DENND2C: variants seen among roughly 807,000 people sequenced by gnomAD.
The protein encoded by DENND2C is DENN domain containing 2C, also known as DENN domain-containing protein 2C.
Under a neutral mutation model 112.4 loss-of-function variants are expected in DENND2C, and 72 were observed. The observed-to-expected ratio is 0.64, with a 90% CI of 0.53 to 0.78. The LOEUF (loss-of-function observed/expected upper bound fraction) is 0.78. Ranked by LOEUF, DENND2C falls within the 30% of genes least tolerant of loss-of-function variation. DENND2C has a pLI of 0.00. For missense variants in DENND2C, 992 were observed against 1,113.8 expected (o/e 0.89, Z 1.56); for synonymous variants, 329 against 381.6 (o/e 0.86, Z 1.61).
At chr1:114,628,142 CTAAATAAA>C (rs577423809) in intron 3 of DENND2C, among the ~76,000 whole-genome samples, 1 of 151,320 alleles carries the variant, frequency 6.6e-6, no homozygotes, top group Non-Finnish European at 1.5e-5. Flanking sequence ...TTCATCTCTA[CTAAATAAA>C]TAAATAAATA....
chr1:114,631,792 A>G (rs1190793032), intron 3 of DENND2C, among the ~76,000 whole-genome samples: 2 of 152,184 alleles, frequency 1.3e-5, no homozygotes, highest in South Asian at 2.1e-4. Flanking sequence ...AAAAAAGAGA[A>G]AAAAAAAGTA....
At chr1:114,591,801 G>C (rs901143985) in intron 18 of DENND2C, among the ~76,000 whole-genome samples, 1 of 151,148 alleles carries the variant, frequency 6.6e-6, no homozygotes, top group Non-Finnish European at 1.5e-5. Flanking sequence ...TTTCTGTATA[G>C]TGTGAGGTGT....
chr1:114,642,925 G>T (rs555149636), intron 3 of DENND2C, among the ~76,000 whole-genome samples: 4 of 152,098 alleles, frequency 2.6e-5, no homozygotes, highest in Non-Finnish European at 4.4e-5. Flanking sequence ...AGCTTCCTTA[G>T]CCCTTTCCCC....
At chr1:114,649,524 C>G (rs1657097859) in intron 2 of DENND2C, among the ~76,000 whole-genome samples, 1 of 152,030 alleles carries the variant, frequency 6.6e-6, no homozygotes, top group Admixed American at 6.6e-5. Context: ...ACAGAGCATC[C>G]CACCACATCT....
intron 18 of DENND2C, among the ~76,000 whole-genome samples, chr1:114,588,235 G>A (rs895539879): frequency 5.9e-5 from 9 of 152,168 alleles, no homozygotes; most frequent in African/African-American, 2.2e-4. Flanking sequence ...AAAGGCCACT[G>A]GTGAGAGCCA....
At chr1:114,597,358 C>T (rs1167613609) in intron 16 of DENND2C, among the ~76,000 whole-genome samples, 4 of 151,542 alleles carry the variant, frequency 2.6e-5, no homozygotes, top group East Asian at 2.0e-4. Context: ...ACAGGAGAAT[C>T]GCTTGAATCC....
chr1:114,642,819 T>C (rs1299687228), intron 3 of DENND2C, among the ~76,000 whole-genome samples: 1 of 152,240 alleles, frequency 6.6e-6, no homozygotes, highest in Non-Finnish European at 1.5e-5. Context: ...AGACAGTGAC[T>C]GGAATACAGT....
intron 2 of DENND2C, among the ~76,000 whole-genome samples, chr1:114,646,953 A>G (rs918104800): frequency 6.6e-6 from 1 of 152,110 alleles, no homozygotes; most frequent in Non-Finnish European, 1.5e-5. Context: ...TGAGGTCGGG[A>G]GTTTGAGACC....
At chr1:114,618,362 G>C (rs748717219) in intron 8 of DENND2C, 24 bp downstream of exon 8, 98 of 1,473,802 alleles carry the variant, frequency 6.6e-5, no homozygotes, top group Middle Eastern at 5.3e-4. Flanking sequence ...CTACAGGATA[G>C]CTGGAACGAA....
intron 7 of DENND2C, among the ~76,000 whole-genome samples, chr1:114,621,012 G>A (rs1184301618): frequency 6.6e-6 from 1 of 152,200 alleles, no homozygotes; most frequent in African/African-American, 2.4e-5. Context: ...CTTCACTACA[G>A]CAGAGTATGT....
chr1:114,609,546 T>C (rs1164478432), intron 9 of DENND2C, among the ~76,000 whole-genome samples: 1 of 152,238 alleles, frequency 6.6e-6, no homozygotes, highest in Non-Finnish European at 1.5e-5. Flanking sequence ...TAAACAGTCA[T>C]AGCAATACCA....
intron 16 of DENND2C, among the ~76,000 whole-genome samples, chr1:114,598,258 A>G (rs752946453): frequency 2.0e-5 from 3 of 152,230 alleles, no homozygotes; most frequent in Non-Finnish European, 4.4e-5. Flanking sequence ...AAATTGTGGT[A>G]CATTCACACA....
intron 1 of DENND2C, among the ~76,000 whole-genome samples, chr1:114,661,990 T>C (rs1220839615): frequency 6.7e-6 from 1 of 149,730 alleles, no homozygotes; most frequent in African/African-American, 2.5e-5. Context: ...TATACATTGA[T>C]AGCTATCACA....
At chr1:114,625,154 CTT>C (rs1472572937) in intron 4 of DENND2C, 23 bp downstream of exon 4, 1 of 1,558,434 alleles carries the variant, frequency 6.4e-7, no homozygotes, top group Admixed American at 2.0e-5. Flanking sequence ...ACCTACAAGT[CTT>C]TATCTGTAGG....
At chr1:114,598,764 C>T (rs1655412678) in intron 16 of DENND2C, among the ~76,000 whole-genome samples, 2 of 152,174 alleles carry the variant, frequency 1.3e-5, no homozygotes, top group Admixed American at 6.5e-5. Context: ...TCACTGCAAC[C>T]TCCACCTCCC....
chr1:114,644,530 T>C (rs1251480230), intron 3 of DENND2C, among the ~76,000 whole-genome samples: 1 of 152,132 alleles, frequency 6.6e-6, no homozygotes, highest in African/African-American at 2.4e-5. Context: ...GCTGCCCCAT[T>C]TGTAGAATGG....
chr1:114,585,259 T>C lies in DENND2C; in HGVS notation c.*341A>G. 1 of 273,476 alleles carries C rather than the reference T, an allele frequency of 3.7e-6. No homozygotes were observed. Among genetic ancestry groups the C allele is most frequent in the East Asian group, 6.9e-5 (1 of 14,418 alleles). The allele number at this position is 273,476 out of a possible 1,614,324, so 16.9% of individuals were successfully genotyped here. Reference sequence around the variant, plus strand: ...CTCATTATTCTCATCTTTGAGCTATTTTTTAAATGTAACAACAACAAGGCT... The same window carrying C: ...CTCATTATTCTCATCTTTGAGCTATCTTTTAAATGTAACAACAACAAGGCT... On this transcript the variant is annotated 3_prime_UTR_variant, in exon 21 of 21. Coordinates refer to ENST00000393274, the MANE Select transcript of DENND2C (RefSeq NM_001256404.2).
chr1:114,591,042 C>G (rs1244272460), intron 18 of DENND2C, among the ~76,000 whole-genome samples: 1 of 152,046 alleles, frequency 6.6e-6, no homozygotes, highest in African/African-American at 2.4e-5. Context: ...TCACAGCTCA[C>G]TGCAGCCTCA....
chr1:114,600,439 A>C lies in DENND2C; in HGVS notation c.1957-87T>G, dbSNP rs1655469701. ...CTATGGATCCTGTTATTCTTATATA[A>C]GTTAAATTCAAGAAAGGTCTGCTAC... On this transcript the variant is annotated intron_variant, in intron 14 of 20. Transcript: ENST00000393274. 3 of 1,533,356 alleles carry C rather than the reference A, an allele frequency of 2.0e-6. No individual in the cohort carries two copies. The African/African-American group carries it at 4.1e-5, about 21-fold the overall frequency. The allele number at this position is 1,533,356 out of a possible 1,614,324, so 95.0% of individuals were successfully genotyped here.
Sources: allele counts gnomAD v4.1 joint callset (sites outside exome capture counted in the v4.1 genomes callset), GRCh38; gene constraint gnomAD v4.1.1; transcripts MANE v1.5; gene names NCBI Gene and HGNC (gene_info 2026-07-23, HGNC 2026-07-21).